Variants in TG observed in about 807,000 individuals in gnomAD.
TG encodes thyroglobulin, also known as thyroid hormones.
Under a neutral mutation model 324.7 loss-of-function variants are expected in TG, and 270 were observed. The ratio of observed to expected loss-of-function variants is 0.83; its 90% CI spans 0.75 to 0.92. The LOEUF (loss-of-function observed/expected upper bound fraction) is 0.92, where lower values mean the gene tolerates loss of function less well. Ranked by LOEUF, TG falls within the 40% of genes least tolerant of loss-of-function variation. The pLI is 0.00. For synonymous variants in TG, 1,401 were observed against 1,327.0 expected, an observed-to-expected ratio of 1.06 and a Z score of -1.21; for missense variants, 3,591 against 3,456.4, an observed-to-expected ratio of 1.04 and a Z score of -0.98.
intron 1 of TG, among the ~76,000 whole-genome samples, chr8:132,867,523 G>GTTT (rs11325505): frequency 1.6e-5 from 2 of 124,962 alleles, no homozygotes; most frequent in African/African-American, 6.2e-5. Context: ...CCAAGCTTCT[G>GTTT]TTTTTTTTTT....
At chr8:133,073,533 T>C (rs1844396024) in intron 41 of TG, among the ~76,000 whole-genome samples, 1 of 152,172 alleles carries the variant, frequency 6.6e-6, no homozygotes, top group African/African-American at 2.4e-5. Flanking sequence ...AGCTAATTTT[T>C]GTATTAAATA....
At chr8:132,969,603 T>G (rs770602825) in intron 32 of TG, 34 bp downstream of exon 32, 20 of 1,359,496 alleles carry the variant, frequency 1.5e-5, no homozygotes, top group Middle Eastern at 1.8e-4. Context: ...TAATGTTTAT[T>G]ATGAATAATA....
rs756368168 is a variant in TG, at chr8:133,096,357, G to A, written c.7556G>A (p.Arg2519Lys). Residue 2519 changes from arginine (R) to lysine (K), a missense_variant, in exon 43 of 48, where the codon AGA becomes AAA. Coordinates refer to ENST00000220616, the MANE Select transcript of TG (RefSeq NM_003235.5). ...TCTCAGGACGACGGGCTCATCAACA[G>A]AGCAAAGGCTGTGAAGGTAAGCAGG... is the stretch of plus-strand genomic sequence containing the variant. ...GSSQDDGLINRAKAVKQFEES... is the reference protein window; with the variant it reads ...GSSQDDGLINKAKAVKQFEES... 1.9e-6 allele frequency: 3 copies of A among 1,614,198 alleles called. No individual in the cohort carries two copies. The Admixed American group carries it at 5.0e-5, about 27-fold the overall frequency.
rs1814789485 is a variant in TG at position 132,882,534 on chromosome 8, T to G, written c.811T>G (p.Phe271Val). The change falls in exon 7 of 48, where the codon TTC becomes GTC. Residue 271 changes from phenylalanine (F) to valine (V), a missense_variant. Phe to Val is a conservative substitution (Grantham distance 50, BLOSUM62 -1). Transcript: ENST00000220616. Reference protein sequence around the residue: ...IFAGLDLPSTFTETTLYRILQ... With the variant: ...IFAGLDLPSTVTETTLYRILQ... ...TGCTGGCCTGGACCTTCCTTCCACC[T>G]TCACTGAAACCACCCTGTACCGGAT... The G allele has an allele frequency of 1.2e-6, 2 of 1,614,132 alleles. No homozygotes were observed. Among genetic ancestry groups the G allele is most frequent in the South Asian group, 2.2e-5 (2 of 91,090 alleles).
chr8:133,095,413 A>G (rs896346508), intron 42 of TG, among the ~76,000 whole-genome samples: 3 of 152,234 alleles, frequency 2.0e-5, no homozygotes, highest in African/African-American at 7.2e-5. Context: ...CACTGAGGGT[A>G]GACAGATGCC....
intron 20 of TG, among the ~76,000 whole-genome samples, chr8:132,917,082 C>CTTCA (rs1554667600): frequency 0.041 from 4,428 of 107,448 alleles, 248 homozygotes; most frequent in Admixed American, 0.045. Context: ...TCCTTCCTTC[C>CTTCA]TTCCCTTACT....
intron 37 of TG, among the ~76,000 whole-genome samples, chr8:133,015,106 C>T (rs545715357): frequency 6.6e-6 from 1 of 152,300 alleles, no homozygotes; most frequent in African/African-American, 2.4e-5. Flanking sequence ...CTCCTGGCTT[C>T]AAGGGATCCA....
chr8:133,096,541 C>T (rs963780295), intron 43 of TG, among the ~76,000 whole-genome samples, 168 bp downstream of exon 43: 6 of 152,174 alleles, frequency 3.9e-5, no homozygotes, highest in Non-Finnish European at 5.9e-5. Flanking sequence ...AAATTAGACA[C>T]TTGCAGGGTA....
At chr8:133,077,364 C>T (rs767208063) in intron 41 of TG, among the ~76,000 whole-genome samples, 3 of 152,114 alleles carry the variant, frequency 2.0e-5, no homozygotes, top group Admixed American at 6.6e-5. Context: ...AGGTCAGGGC[C>T]GCAGGCTCTT....
intron 41 of TG, among the ~76,000 whole-genome samples, chr8:133,081,588 GA>G (rs35336483): frequency 3.3e-5 from 5 of 151,364 alleles, no homozygotes; most frequent in South Asian, 2.1e-4. Context: ...GGAAGAAGAA[GA>G]AAAAAAAAGT....
intron 31 of TG, among the ~76,000 whole-genome samples, chr8:132,968,730 T>C (rs570358247): frequency 3.4e-4 from 52 of 152,382 alleles, no homozygotes; most frequent in African/African-American, 1.2e-3. Flanking sequence ...GGGGAATTCC[T>C]CATGCCAGTA....
At chr8:132,942,353 G>T (rs1407480548) in intron 26 of TG, among the ~76,000 whole-genome samples, 5 of 152,218 alleles carry the variant, frequency 3.3e-5, no homozygotes, top group Non-Finnish European at 5.9e-5. Flanking sequence ...GACTAAGAGA[G>T]TCTTAACTGT....
chr8:132,939,249 T>C (rs1025803442), intron 25 of TG, among the ~76,000 whole-genome samples: 1 of 152,156 alleles, frequency 6.6e-6, no homozygotes, highest in Non-Finnish European at 1.5e-5. Context: ...TTTGGAAGGT[T>C]GCTATTGCAA....
chr8:132,981,910 A>G (rs1305251460), intron 34 of TG, among the ~76,000 whole-genome samples: 1 of 152,192 alleles, frequency 6.6e-6, no homozygotes, highest in African/African-American at 2.4e-5. Context: ...ATATCTGACC[A>G]AAGTGAAGAA....
At chr8:132,867,206 T>A (rs1407461025) in intron 1 of TG, 139 bp downstream of exon 1, 1 of 767,572 alleles carries the variant, frequency 1.3e-6, no homozygotes, top group African/African-American at 1.8e-5. Flanking sequence ...TTTTTTTTTT[T>A]CAGATGAAGA....
chr8:132,891,738 C>T (rs1050620799), intron 10 of TG, among the ~76,000 whole-genome samples: 4 of 152,158 alleles, frequency 2.6e-5, no homozygotes, highest in Non-Finnish European at 2.9e-5. Flanking sequence ...GTTTTTGCTT[C>T]GGACATTCAA....
Position 132,900,231 on chromosome 8 carries a change from T to A in TG, c.3331-6T>A. 6.2e-7 allele frequency: 1 copy of A among 1,613,554 alleles called. No individual in the cohort carries two copies. The highest frequency in any genetic ancestry group is 2.2e-5 in the East Asian group (1 of 44,876). ...AGTGACTGACATGACCCCGGCTTTG[T>A]CTCAGACAGGAGAGTATGCCAGGCT... On this transcript the variant is annotated splice_region_variant and splice_polypyrimidine_tract_variant and intron_variant, in intron 14 of 47. Coordinates refer to ENST00000220616, the MANE Select transcript of TG (RefSeq NM_003235.5).
At chr8:133,051,118 A>T (rs1225284315) in intron 41 of TG, among the ~76,000 whole-genome samples, 1 of 152,166 alleles carries the variant, frequency 6.6e-6, no homozygotes, top group Admixed American at 6.5e-5. Flanking sequence ...GGGTCAGGTG[A>T]CATGCTCCTA....
intron 41 of TG, among the ~76,000 whole-genome samples, chr8:133,073,727 A>G (rs1366032276): frequency 1.3e-5 from 2 of 152,032 alleles, no homozygotes; most frequent in African/African-American, 4.8e-5. Context: ...AGTCAAGGGC[A>G]CCACTTTAAA....
Sources: allele counts gnomAD v4.1 joint callset (sites outside exome capture counted in the v4.1 genomes callset), GRCh38; gene constraint gnomAD v4.1.1; transcripts MANE v1.5; gene names NCBI Gene and HGNC (gene_info 2026-07-23, HGNC 2026-07-21).